PARD3B: variants seen among roughly 807,000 people sequenced by gnomAD.
PARD3B encodes the protein par-3 family cell polarity regulator beta.
Under a neutral mutation model 130.2 loss-of-function variants are expected in PARD3B, and 103 were observed. The observed-to-expected ratio is 0.79, with a 90% CI of 0.67 to 0.93. The LOEUF is 0.93. PARD3B is among the 40% of genes least tolerant of loss of function. The pLI, the probability that PARD3B is intolerant of heterozygous loss-of-function variation, is 0.00. For missense variants in PARD3B, 1,609 were observed against 1,499.2 expected, an observed-to-expected ratio of 1.07 and a Z score of -1.21; for synonymous variants, 583 against 553.2, an observed-to-expected ratio of 1.05 and a Z score of -0.76.
intron 2 of PARD3B, among the ~76,000 whole-genome samples, chr2:204,950,327 A>G (rs185564943): frequency 6.6e-6 from 1 of 152,336 alleles, no homozygotes; most frequent in Non-Finnish European, 1.5e-5. Context: ...TAGCTGCTAT[A>G]CTTTTCTTTA....
At chr2:204,756,677 G>A (rs752814831) in intron 2 of PARD3B, among the ~76,000 whole-genome samples, 5 of 152,212 alleles carry the variant, frequency 3.3e-5, no homozygotes, top group Middle Eastern at 6.8e-3. Context: ...CAGACTTGCC[G>A]TCATTCCTAA....
chr2:204,806,606 C>T (rs569407910), intron 2 of PARD3B, among the ~76,000 whole-genome samples: 10 of 152,190 alleles, frequency 6.6e-5, no homozygotes, highest in African/African-American at 2.2e-4. Context: ...TTGAGTAATA[C>T]TTCACAAGCA....
chr2:205,358,543 T>C lies in PARD3B; in HGVS notation c.2631-42470T>C, dbSNP rs576063243. On this transcript the variant is annotated intron_variant, in intron 18 of 22. Coordinates refer to ENST00000406610, the MANE Select transcript of PARD3B (RefSeq NM_001302769.2). ...CTCTTACTGTCATCTGCTAATACTA[T>C]AATATCTGCCCCAAGGGGCGTGTGA... is the stretch of plus-strand genomic sequence containing the variant. Among the ~76,000 whole-genome samples the C allele has an allele frequency of 5.9e-5, 9 of 152,362 alleles. No homozygotes were observed. The South Asian group carries it at 1.2e-3, about 21-fold the overall frequency.
chr2:204,930,676 T>G (rs1350644371), intron 2 of PARD3B, among the ~76,000 whole-genome samples: 2 of 152,060 alleles, frequency 1.3e-5, no homozygotes, highest in Non-Finnish European at 2.9e-5. Context: ...GTCCCCATAT[T>G]CTGCAACTTG....
At chr2:205,447,756 T>G (rs2047957544) in intron 20 of PARD3B, among the ~76,000 whole-genome samples, 1 of 152,236 alleles carries the variant, frequency 6.6e-6, no homozygotes, top group African/African-American at 2.4e-5. Context: ...ATCTTCTCCA[T>G]GAACTGCCTC....
chr2:205,408,839 G>T (rs915117292), intron 19 of PARD3B, among the ~76,000 whole-genome samples: 1 of 152,114 alleles, frequency 6.6e-6, no homozygotes, highest in African/African-American at 2.4e-5. Context: ...TCTAGGTCCT[G>T]TGGTTTGGGT....
At chr2:205,399,544 AG>A (rs1180617868) in intron 18 of PARD3B, among the ~76,000 whole-genome samples, 2 of 151,924 alleles carry the variant, frequency 1.3e-5, no homozygotes, top group Non-Finnish European at 2.9e-5. Flanking sequence ...TAGTAGAGAC[AG>A]GGTTTCACTA....
intron 7 of PARD3B, 147 bp downstream of exon 7, chr2:205,119,193 A>C: frequency 8.7e-7 from 1 of 1,143,372 alleles, no homozygotes; most frequent in Non-Finnish European, 1.2e-6. Context: ...GAATGCTTCT[A>C]ATGTTTTAGC....
At chr2:204,611,490 G>T (rs1027863648) in intron 1 of PARD3B, among the ~76,000 whole-genome samples, 1 of 152,134 alleles carries the variant, frequency 6.6e-6, no homozygotes, top group African/African-American at 2.4e-5. Flanking sequence ...GAAGGCAGAG[G>T]TCATTTGGAG....
intron 2 of PARD3B, among the ~76,000 whole-genome samples, chr2:204,882,919 T>C (rs1398164823): frequency 6.6e-6 from 1 of 152,180 alleles, no homozygotes; most frequent in East Asian, 1.9e-4. Context: ...GGGATTATTC[T>C]ATTCCTACTC....
chr2:205,254,511 G>A (rs929883499), intron 16 of PARD3B, among the ~76,000 whole-genome samples: 1 of 152,070 alleles, frequency 6.6e-6, no homozygotes, highest in African/African-American at 2.4e-5. Context: ...GGGTGTTTAG[G>A]TGTACGAGTT....
At chr2:205,165,459 G>A (rs534333629) in intron 11 of PARD3B, among the ~76,000 whole-genome samples, 1 of 149,036 alleles carries the variant, frequency 6.7e-6, no homozygotes, top group South Asian at 2.1e-4. Context: ...AATACATTTT[G>A]AAAGCATTAT....
At position 205,605,151 on chromosome 2, in the gene PARD3B, C is replaced by T. The variant is rs760735134; in HGVS notation, c.3261-10305C>T. 2.2e-4 allele frequency among the ~76,000 whole-genome samples: 33 copies of T among 152,338 alleles called. No homozygotes were observed. The Middle Eastern group carries it at 0.01, about 47-fold the overall frequency. ...TTAGCTTCTTTGCATTGGGTTAGAA[C>T]ATGCTTCTTTAGCTCAGTGAAGTTT... is the stretch of plus-strand genomic sequence containing the variant. On this transcript the variant is annotated intron_variant, in intron 22 of 22. Transcript: ENST00000406610.
chr2:205,162,491 G>C (rs1455079826), intron 11 of PARD3B, among the ~76,000 whole-genome samples: 2 of 152,230 alleles, frequency 1.3e-5, no homozygotes, highest in African/African-American at 4.8e-5. Flanking sequence ...TGCATTACAT[G>C]TTTGTGGTTT....
chr2:205,348,302 A>G (rs2043868454), intron 18 of PARD3B: 1 of 152,252 alleles, frequency 6.6e-6, no homozygotes, highest in Non-Finnish European at 1.5e-5. Context: ...TTATTACTGA[A>G]CAACAATTAG....
At position 205,396,252 on chromosome 2, in the gene PARD3B, T is replaced by C. The variant is rs192645584; in HGVS notation, c.2631-4761T>C. On this transcript the variant is annotated intron_variant, in intron 18 of 22. Transcript: ENST00000406610. ...CTTCTAACATCCTTTACAGCACTTA[T>C]CACAACTAACAATTATGGATATATA... 6.1e-4 allele frequency among the ~76,000 whole-genome samples: 93 copies of C among 152,334 alleles called. 1 individual carries two copies. In the South Asian group the frequency reaches 8.1e-3, roughly 13 times the overall value.
At chr2:204,841,064 C>G (rs939323386) in intron 2 of PARD3B, among the ~76,000 whole-genome samples, 1 of 152,102 alleles carries the variant, frequency 6.6e-6, no homozygotes, top group Non-Finnish European at 1.5e-5. Flanking sequence ...GATCAGTCAC[C>G]TTTGCTCATG....
chr2:204,829,860 G>C (rs1262736561), intron 2 of PARD3B, among the ~76,000 whole-genome samples: 1 of 151,908 alleles, frequency 6.6e-6, no homozygotes, highest in Non-Finnish European at 1.5e-5. Context: ...TTAGCTGGGC[G>C]TGGTAGTGGG....
At chr2:204,899,352 A>AT (rs1352354283) in intron 2 of PARD3B, among the ~76,000 whole-genome samples, 1 of 149,638 alleles carries the variant, frequency 6.7e-6, no homozygotes, top group Non-Finnish European at 1.5e-5. Flanking sequence ...CGCTGTTTTA[A>AT]TTTCTTGCTT....
Sources: allele counts gnomAD v4.1 joint callset (sites outside exome capture counted in the v4.1 genomes callset), GRCh38; gene constraint gnomAD v4.1.1; transcripts MANE v1.5; gene names NCBI Gene and HGNC (gene_info 2026-07-23, HGNC 2026-07-21).